FRAS1: variants seen among roughly 807,000 people sequenced by gnomAD.
FRAS1 encodes Fraser extracellular matrix complex subunit 1, also known as extracellular matrix organizing protein FRAS1.
FRAS1 carries 290 observed loss-of-function variants against 435.2 expected under a neutral mutation model. The observed-to-expected ratio is 0.67, with a 90% CI of 0.61 to 0.73. The LOEUF (loss-of-function observed/expected upper bound fraction) is 0.73, where lower values mean the gene tolerates loss of function less well. Ranked by LOEUF, FRAS1 falls within the 30% of genes least tolerant of loss-of-function variation. The pLI, the probability that FRAS1 is intolerant of heterozygous loss-of-function variation, is 0.00. For synonymous variants in FRAS1, 1,800 were observed against 1,851.0 expected, an observed-to-expected ratio of 0.97 and a Z score of 0.71; for missense variants, 4,860 against 5,001.5, an observed-to-expected ratio of 0.97 and a Z score of 0.85.
At chr4:78,218,435 A>G (rs1203369420) in intron 2 of FRAS1, among the ~76,000 whole-genome samples, 2 of 152,154 alleles carry the variant, frequency 1.3e-5, no homozygotes, top group Non-Finnish European at 2.9e-5. Flanking sequence ...CCCAAGTTCA[A>G]TACAGTTCAT....
chr4:78,486,875 T>G (rs1578353100), intron 58 of FRAS1, among the ~76,000 whole-genome samples: 2 of 142,322 alleles, frequency 1.4e-5, no homozygotes, highest in Admixed American at 7.5e-5. Flanking sequence ...GAAGTGAGAG[T>G]GAATGTCTTG....
At chr4:78,419,893 T>TCTCACTCA (rs745520188) in intron 33 of FRAS1, among the ~76,000 whole-genome samples, 1 of 151,912 alleles carries the variant, frequency 6.6e-6, no homozygotes. Context: ...TTGTTTAAAA[T>TCTCACTCA]CTCACTCACT....
At chr4:78,527,138 A>G (rs1423008668) in intron 70 of FRAS1, among the ~76,000 whole-genome samples, 5 of 152,186 alleles carry the variant, frequency 3.3e-5, no homozygotes, top group Non-Finnish European at 7.4e-5. Context: ...TGGTTGATAT[A>G]AATGTTGTGA....
chr4:78,267,045 T>C (rs1726393291), intron 8 of FRAS1, 110 bp downstream of exon 8: 1 of 949,496 alleles, frequency 1.1e-6, no homozygotes, highest in African/African-American at 1.7e-5. Context: ...TTATAATGTT[T>C]GCAAAGTTAC....
At chr4:78,060,455 C>G (rs1044212098) in intron 1 of FRAS1, among the ~76,000 whole-genome samples, 3 of 152,184 alleles carry the variant, frequency 2.0e-5, no homozygotes, top group Non-Finnish European at 4.4e-5. Flanking sequence ...TCTCAGTGCA[C>G]AGAGAGAACA....
chr4:78,301,988 A>T (rs796344474), intron 14 of FRAS1, among the ~76,000 whole-genome samples: 20 of 151,520 alleles, frequency 1.3e-4, no homozygotes, highest in South Asian at 8.4e-4. Context: ...ATATCTCCCA[A>T]TGCTATCCCT....
intron 2 of FRAS1, among the ~76,000 whole-genome samples, chr4:78,125,151 C>T (rs1382582448): frequency 6.6e-6 from 1 of 152,210 alleles, no homozygotes; most frequent in South Asian, 2.1e-4. Flanking sequence ...CCTCTACACA[C>T]TGCTTTAAAT....
At chr4:78,282,136 C>T (rs1303576044) in intron 11 of FRAS1, among the ~76,000 whole-genome samples, 1 of 152,174 alleles carries the variant, frequency 6.6e-6, no homozygotes, top group African/African-American at 2.4e-5. Context: ...TTTCACCTCC[C>T]TCATCACCCC....
At position 78,537,060 on chromosome 4, in the gene FRAS1, CAGCTGGAG is replaced by C; in HGVS notation, c.11160_11167del (p.Leu3721SerfsTer15). Reference sequence around the variant, plus strand: ...AAATCTTAATTCTGCTTACAAACTCCAGCTGGAGAAAGTCTATCTTTGTACGGGCAAGG... The same window carrying C: ...AAATCTTAATTCTGCTTACAAACTCCAAAGTCTATCTTTGTACGGGCAAGG... On this transcript the variant is annotated frameshift_variant, in exon 72 of 74. Transcript: ENST00000512123. LOFTEE classifies it high-confidence loss of function. 1 of 1,613,994 alleles carries C rather than the reference CAGCTGGAG, an allele frequency of 6.2e-7. No homozygotes were observed. The highest frequency in any genetic ancestry group is 8.5e-7 in the Non-Finnish European group (1 of 1,179,890).
At chr4:78,453,298 A>G (rs1578333814) in intron 47 of FRAS1, among the ~76,000 whole-genome samples, 1 of 152,194 alleles carries the variant, frequency 6.6e-6, no homozygotes, top group Non-Finnish European at 1.5e-5. Context: ...ACATTTGGCC[A>G]GGTAGAAGGT....
At chr4:78,364,224 G>A (rs1329899371) in intron 22 of FRAS1, among the ~76,000 whole-genome samples, 170 bp downstream of exon 22, 2 of 152,208 alleles carry the variant, frequency 1.3e-5, no homozygotes, top group African/African-American at 4.8e-5. Context: ...AGCAGATTAT[G>A]GCTCAGATAT....
Position 78,539,347 on chromosome 4 carries a change from G to C in FRAS1, c.11352G>C (p.Glu3784Asp), listed in dbSNP as rs1387237577. ...TDKYFHDVPF[E>D]AHFASELPDF... ...AGTACTTCCATGATGTGCCTTTTGA[G>C]GCTCACTTTGCCTCTGAGTTGCCTG... Residue 3784 changes from glutamate (E) to aspartate (D), a missense_variant, in exon 73 of 74, where the codon GAG (glutamate) becomes GAC (aspartate). Glu to Asp is a conservative substitution (Grantham distance 45, BLOSUM62 2). Transcript: ENST00000512123. 6 of 1,613,076 alleles carry C rather than the reference G, an allele frequency of 3.7e-6. No individual in the cohort carries two copies. The highest frequency in any genetic ancestry group is 5.1e-6 in the Non-Finnish European group (6 of 1,179,500).
intron 22 of FRAS1, among the ~76,000 whole-genome samples, chr4:78,365,213 G>C (rs970101292): frequency 2.0e-5 from 3 of 152,162 alleles, no homozygotes; most frequent in East Asian, 1.9e-4. Flanking sequence ...ATTTGCATTA[G>C]TTATATGAAA....
At chr4:78,168,822 C>A (rs1307767225) in intron 2 of FRAS1, among the ~76,000 whole-genome samples, 1 of 152,054 alleles carries the variant, frequency 6.6e-6, no homozygotes, top group African/African-American at 2.4e-5. Context: ...AATAAAGAGG[C>A]TAGGCAGGTG....
chr4:78,153,758 C>T (rs751619787), intron 2 of FRAS1, among the ~76,000 whole-genome samples: 3 of 152,236 alleles, frequency 2.0e-5, no homozygotes, highest in African/African-American at 4.8e-5. Context: ...GAACAGGAAA[C>T]GAAATAATTT....
At chr4:78,231,003 G>A (rs1724495808) in intron 2 of FRAS1, among the ~76,000 whole-genome samples, 1 of 152,080 alleles carries the variant, frequency 6.6e-6, no homozygotes, top group African/African-American at 2.4e-5. Flanking sequence ...TGCCGGTGCT[G>A]GAGTGCAGTG....
At position 78,488,888 on chromosome 4, in the gene FRAS1, G is replaced by A. The variant is rs778612913; in HGVS notation, c.8766G>A (p.Gln2922=). 1.2e-5 allele frequency: 19 copies of A among 1,612,464 alleles called. No individual in the cohort carries two copies. The highest frequency in any genetic ancestry group is 1.6e-5 in the Non-Finnish European group (19 of 1,179,542). The part of the protein sequence containing the change: ...NDTFQDVPSM[Q]FAKDLLLVKE... ...CTGCCCACCTAGTGCCCAGCATGCA[G>A]TTTGCCAAGGATTTGCTCCTAGTGA... The change falls in exon 59 of 74, where the codon CAG becomes CAA. Residue 2922 remains glutamine, a synonymous_variant. Transcript: ENST00000512123.
chr4:78,364,221 T>A (rs1731182213), intron 22 of FRAS1, among the ~76,000 whole-genome samples, 167 bp downstream of exon 22: 1 of 152,168 alleles, frequency 6.6e-6, no homozygotes, highest in Non-Finnish European at 1.5e-5. Flanking sequence ...ATTAGCAGAT[T>A]ATGGCTCAGA....
At chr4:78,373,088 T>C (rs1731579736) in intron 24 of FRAS1, among the ~76,000 whole-genome samples, 2 of 152,172 alleles carry the variant, frequency 1.3e-5, no homozygotes, top group Non-Finnish European at 2.9e-5. Flanking sequence ...CTTGGGCATA[T>C]AGGACCACAC....
Sources: allele counts gnomAD v4.1 joint callset (sites outside exome capture counted in the v4.1 genomes callset), GRCh38; gene constraint gnomAD v4.1.1; transcripts MANE v1.5; gene names NCBI Gene and HGNC (gene_info 2026-07-23, HGNC 2026-07-21).